The following CDH23 variants were observed in gnomAD, a reference collection of about 807,000 sequenced individuals.
CDH23 encodes cadherin-23.
Under a neutral mutation model 317.1 loss-of-function variants are expected in CDH23, and 189 were observed. That is an observed-to-expected ratio of 0.60 (90% CI 0.53 to 0.67). The LOEUF is 0.67. Ranked by LOEUF, CDH23 falls within the 30% of genes least tolerant of loss-of-function variation. The pLI is 0.00. For missense variants in CDH23, 4,401 were observed against 4,592.4 expected (o/e 0.96, Z 1.20); for synonymous variants, 1,839 against 1,876.8 (o/e 0.98, Z 0.52).
At chr10:71,431,616 G>A (rs189489610) in intron 1 of CDH23, among the ~76,000 whole-genome samples, 14 of 152,362 alleles carry the variant, frequency 9.2e-5, no homozygotes, top group Admixed American at 7.8e-4. Context: ...TCTATTCAAA[G>A]TTGAGTGCAT....
At chr10:71,406,703 G>A (rs896177175) in intron 1 of CDH23, among the ~76,000 whole-genome samples, 3 of 152,314 alleles carry the variant, frequency 2.0e-5, no homozygotes, top group Admixed American at 6.5e-5. Context: ...TGTTAGCAAC[G>A]AATTTAATAT....
chr10:71,400,454 G>A (rs759862591), intron 1 of CDH23, among the ~76,000 whole-genome samples: 12 of 151,510 alleles, frequency 7.9e-5, no homozygotes, highest in African/African-American at 1.7e-4. Flanking sequence ...TACAAAGAGC[G>A]AGCTAATGTG....
chr10:71,426,993 A>C (rs1038570925), intron 1 of CDH23, among the ~76,000 whole-genome samples: 6 of 151,926 alleles, frequency 3.9e-5, no homozygotes, highest in African/African-American at 1.2e-4. Context: ...AAAAATAAAA[A>C]TTAAAAAATT....
intron 3 of CDH23, among the ~76,000 whole-genome samples, chr10:71,457,865 C>T (rs1464868669): frequency 6.6e-6 from 1 of 152,252 alleles, no homozygotes; most frequent in Non-Finnish European, 1.5e-5. Flanking sequence ...CCTGGGTCCA[C>T]AGCCTTTTCC....
At chr10:71,731,716 G>T (rs181847383) in intron 31 of CDH23, among the ~76,000 whole-genome samples, 3 of 152,208 alleles carry the variant, frequency 2.0e-5, no homozygotes, top group South Asian at 2.1e-4. Context: ...GAATTTTGAG[G>T]CTCCAGGAGC....
chr10:71,713,481 G>A (rs1163042408), intron 28 of CDH23: 1 of 577,070 alleles, frequency 1.7e-6, no homozygotes, highest in Non-Finnish European at 3.1e-6. Context: ...AGGCTCCCGG[G>A]CTTGGGAGGG....
At chr10:71,546,158 T>C (rs1856267836) in intron 6 of CDH23, among the ~76,000 whole-genome samples, 1 of 151,996 alleles carries the variant, frequency 6.6e-6, no homozygotes, top group Admixed American at 6.6e-5. Flanking sequence ...CGGTGTCTTG[T>C]CTCAAAGCCC....
chr10:71,406,782 C>A (rs190321529), intron 1 of CDH23, among the ~76,000 whole-genome samples: 2 of 152,198 alleles, frequency 1.3e-5, no homozygotes, highest in Non-Finnish European at 2.9e-5. Context: ...GTGTCAGGTG[C>A]TGTTCTAGGC....
At chr10:71,778,102 G>A in intron 39 of CDH23, 87 bp from the exon 40 acceptor site, 1 of 1,563,748 alleles carries the variant, frequency 6.4e-7, no homozygotes, top group Non-Finnish European at 8.7e-7. Context: ...CAGCTCCAAT[G>A]TCAGGGCCTA....
chr10:71,622,981 G>T (rs190747421), intron 11 of CDH23: 1 of 984,176 alleles, frequency 1.0e-6, no homozygotes, highest in East Asian at 1.1e-4. Flanking sequence ...TGAAACTTAC[G>T]CAGGTTGGGG....
At chr10:71,555,654 A>G (rs1385921719) in intron 6 of CDH23, among the ~76,000 whole-genome samples, 1 of 152,134 alleles carries the variant, frequency 6.6e-6, no homozygotes, top group Admixed American at 6.5e-5. Context: ...GGGATCTCCA[A>G]ATTCTACTGT....
chr10:71,702,692 C>A lies in CDH23; in HGVS notation c.2731C>A (p.Gln911Lys). The A allele has an allele frequency of 6.2e-7, 1 of 1,613,636 alleles. No individual in the cohort carries two copies. The highest frequency in any genetic ancestry group is 8.5e-7 in the Non-Finnish European group (1 of 1,179,864). The stretch of plus-strand genomic sequence containing the variant: ...CATCCCGGCGGGGGTCTCCATCTAC[C>A]AAGTGAGTCTCTATCATCTCATTCC... ...EGIPAGVSIY[Q>K]VVAIDLDEGL... The change falls in exon 24 of 70, where the codon CAA (glutamine) becomes AAA (lysine). Residue 911 changes from glutamine (Q) to lysine (K), a missense_variant and splice_region_variant. Coordinates refer to ENST00000224721, the MANE Select transcript of CDH23 (RefSeq NM_022124.6).
intron 1 of CDH23, among the ~76,000 whole-genome samples, chr10:71,435,195 C>T (rs1849563367): frequency 6.6e-6 from 1 of 152,222 alleles, no homozygotes; most frequent in Non-Finnish European, 1.5e-5. Context: ...TGTTTAGCCT[C>T]TCTGAGCCCC....
At chr10:71,645,502 C>G (rs75387018) in intron 12 of CDH23, 1 of 475,526 alleles carries the variant, frequency 2.1e-6, no homozygotes, top group East Asian at 5.6e-5. Flanking sequence ...TGCAGCTGGC[C>G]GGTCCCTCCG....
At chr10:71,421,578 G>T (rs1014747457) in intron 1 of CDH23, among the ~76,000 whole-genome samples, 4 of 152,158 alleles carry the variant, frequency 2.6e-5, no homozygotes, top group African/African-American at 9.7e-5. Context: ...ACCACCTACT[G>T]CTCTGGAGAA....
Position 71,566,884 on chromosome 10 carries a change from G to C in CDH23, c.572G>C (p.Arg191Pro), listed in dbSNP as rs372588663. ...GCCCGCGGTATCGTCACAGTGATCC[G>C]GGAGCTGGACTACGAGACCACACAG... ...DSARGIVTVIRELDYETTQAY... is the reference protein window; with the variant it reads ...DSARGIVTVIPELDYETTQAY... The change falls in exon 7 of 70, where the codon CGG becomes CCG. Residue 191 changes from arginine to proline, a missense_variant. Around this residue, in one of 3 missense-constraint regions of CDH23, gnomAD observed 3,068 missense variants for 3,203.3 expected, o/e 0.96. Transcript: ENST00000224721. 6.2e-7 allele frequency: 1 copy of C among 1,613,696 alleles called. No individual in the cohort carries two copies. The highest frequency in any genetic ancestry group is 8.5e-7 in the Non-Finnish European group (1 of 1,179,882).
chr10:71,578,579 G>A (rs1171948974), intron 9 of CDH23, among the ~76,000 whole-genome samples: 1 of 152,114 alleles, frequency 6.6e-6, no homozygotes, highest in Non-Finnish European at 1.5e-5. Flanking sequence ...TCCGGGTGAT[G>A]GGATCCCTGA....
chr10:71,705,251 C>T (rs1254528293), intron 25 of CDH23, 121 bp downstream of exon 25: 15 of 944,044 alleles, frequency 1.6e-5, no homozygotes, highest in African/African-American at 3.3e-5. Flanking sequence ...TAGGCACAGG[C>T]TCCCTTGTTA....
intron 26 of CDH23, chr10:71,707,578 A>C: frequency 1.0e-6 from 1 of 973,012 alleles, no homozygotes; most frequent in Admixed American, 5.2e-5. Flanking sequence ...CTCACAGGGG[A>C]AAGTGAGCTG....
Sources: allele counts gnomAD v4.1 joint callset (sites outside exome capture counted in the v4.1 genomes callset), GRCh38; gene constraint gnomAD v4.1.1; regional missense constraint gnomAD v4.1.1; transcripts MANE v1.5; gene names NCBI Gene and HGNC (gene_info 2026-07-23, HGNC 2026-07-21).